Variants in ADCY2 observed in about 807,000 individuals in gnomAD.
ADCY2 encodes adenylate cyclase 2, also known as adenylate cyclase type 2.
In ADCY2, 31 loss-of-function variants were observed where a neutral mutation model predicts 125.2. The ratio of observed to expected loss-of-function variants is 0.25; its 90% CI spans 0.19 to 0.33. ADCY2 has a LOEUF of 0.33. Ranked by LOEUF, ADCY2 falls within the 10% of genes least tolerant of loss-of-function variation. The pLI is 1.00. For missense variants in ADCY2, 904 were observed against 1,418.2 expected, an observed-to-expected ratio of 0.64 and a Z score of 5.82; for synonymous variants, 512 against 548.4, an observed-to-expected ratio of 0.93 and a Z score of 0.93.
intron 3 of ADCY2, among the ~76,000 whole-genome samples, chr5:7,590,231 G>A (rs1467569898): frequency 6.6e-6 from 1 of 151,814 alleles, no homozygotes; most frequent in African/African-American, 2.4e-5. Flanking sequence ...GCTAAATTTG[G>A]GACTCTTGCA....
intron 5 of ADCY2, chr5:7,691,821 C>A: frequency 6.3e-6 from 1 of 157,648 alleles, no homozygotes; most frequent in South Asian, 1.8e-4. Context: ...ACTCACAGTT[C>A]TGCAGGCCTT....
At position 7,675,992 on chromosome 5, in the gene ADCY2, G is replaced by A. The variant is rs142691762; in HGVS notation, c.721-14699G>A. On this transcript the variant is annotated intron_variant, in intron 4 of 24. Coordinates refer to ENST00000338316, the MANE Select transcript of ADCY2 (RefSeq NM_020546.3). The stretch of plus-strand genomic sequence containing the variant: ...TTGTGAATTCAAGTATTTATTATAT[G>A]ATGTTTTTGAAATAATCACTTTGAA... Among the ~76,000 whole-genome samples the A allele has an allele frequency of 3.2e-3, 480 of 152,314 alleles. 2 individuals are homozygous for A. The highest frequency in any genetic ancestry group is 0.011 in the African/African-American group (445 of 41,568).
chr5:7,519,438 C>G (rs973131019), intron 2 of ADCY2, among the ~76,000 whole-genome samples: 12 of 152,172 alleles, frequency 7.9e-5, no homozygotes, highest in African/African-American at 2.9e-4. Flanking sequence ...TCCTTAGCTT[C>G]CCTTCTGCTT....
intron 4 of ADCY2, among the ~76,000 whole-genome samples, chr5:7,650,217 G>GACACACACACACACACAC (rs3073883): frequency 4.7e-5 from 7 of 147,880 alleles, no homozygotes; most frequent in African/African-American, 1.8e-4. Flanking sequence ...TGCAGGCACA[G>GACACACACACACACACAC]ACACACACAC....
intron 4 of ADCY2, among the ~76,000 whole-genome samples, chr5:7,651,214 A>G (rs1179942575): frequency 1.3e-5 from 2 of 152,210 alleles, no homozygotes; most frequent in African/African-American, 4.8e-5. Flanking sequence ...TTGATGGCCA[A>G]TTCTTCTAGT....
intron 1 of ADCY2, among the ~76,000 whole-genome samples, chr5:7,413,265 C>T (rs547872838): frequency 1.3e-5 from 2 of 152,212 alleles, no homozygotes; most frequent in African/African-American, 4.8e-5. Flanking sequence ...TTTGTAAGTC[C>T]CATATATGGT....
intron 2 of ADCY2, among the ~76,000 whole-genome samples, chr5:7,519,052 G>T (rs964505637): frequency 6.6e-6 from 1 of 152,138 alleles, no homozygotes; most frequent in African/African-American, 2.4e-5. Context: ...GTGCCAAATC[G>T]AAGAGTGCCT....
At chr5:7,814,549 C>T (rs551808478) in intron 22 of ADCY2, among the ~76,000 whole-genome samples, 48 of 152,328 alleles carry the variant, frequency 3.2e-4, no homozygotes, top group South Asian at 2.1e-3. Context: ...CCCTGCGTTA[C>T]TGCAATCCCC....
chr5:7,645,398 G>T (rs1738860637), intron 4 of ADCY2, among the ~76,000 whole-genome samples: 1 of 152,128 alleles, frequency 6.6e-6, no homozygotes, highest in African/African-American at 2.4e-5. Flanking sequence ...GGAAAAGAAA[G>T]CTGGCCCAAT....
chr5:7,754,004 G>T (rs773239168), intron 15 of ADCY2, among the ~76,000 whole-genome samples: 1 of 152,146 alleles, frequency 6.6e-6, no homozygotes, highest in Non-Finnish European at 1.5e-5. Context: ...GAACTTTGAG[G>T]TATGCATGGA....
At chr5:7,717,045 A>G in intron 11 of ADCY2, 112 bp from the exon 12 acceptor site, 1 of 660,360 alleles carries the variant, frequency 1.5e-6, no homozygotes, top group Non-Finnish European at 2.7e-6. Context: ...CATGCAACAA[A>G]ATGTCATCTG....
chr5:7,615,409 T>C (rs898494364), intron 3 of ADCY2, among the ~76,000 whole-genome samples: 1 of 152,202 alleles, frequency 6.6e-6, no homozygotes, highest in Non-Finnish European at 1.5e-5. Flanking sequence ...AGCCATCTTT[T>C]TCAAGTGAGA....
chr5:7,430,420 C>T (rs943314099), intron 2 of ADCY2, among the ~76,000 whole-genome samples: 2 of 151,478 alleles, frequency 1.3e-5, no homozygotes, highest in African/African-American at 4.8e-5. Flanking sequence ...CAGTATCTTT[C>T]AGGAACATGG....
chr5:7,542,325 G>C (rs1735022139), intron 3 of ADCY2, among the ~76,000 whole-genome samples: 1 of 151,450 alleles, frequency 6.6e-6, no homozygotes, highest in East Asian at 1.9e-4. Flanking sequence ...CCATAACTGG[G>C]TTATACTTTA....
intron 4 of ADCY2, among the ~76,000 whole-genome samples, chr5:7,636,452 G>C (rs577714158): frequency 4.6e-5 from 7 of 152,368 alleles, no homozygotes; most frequent in African/African-American, 1.7e-4. Flanking sequence ...GTCTATGCAG[G>C]GTGTGGGGAT....
chr5:7,673,286 A>ATATATATATATATATATATATAT (rs58505229), intron 4 of ADCY2, among the ~76,000 whole-genome samples: 12 of 53,830 alleles, frequency 2.2e-4, no homozygotes, highest in Admixed American at 9.5e-4. Flanking sequence ...ATATATATAT[A>ATATATATATATATATATATATAT]AAATTAGCCA....
At chr5:7,515,183 G>A (rs531667754) in intron 2 of ADCY2, among the ~76,000 whole-genome samples, 55 of 152,316 alleles carry the variant, frequency 3.6e-4, no homozygotes, top group African/African-American at 1.3e-3. Flanking sequence ...AGCACAAGGA[G>A]CTCTTACTGC....
intron 4 of ADCY2, among the ~76,000 whole-genome samples, chr5:7,666,340 C>T (rs1472191116): frequency 1.3e-5 from 2 of 151,962 alleles, no homozygotes; most frequent in Non-Finnish European, 2.9e-5. Flanking sequence ...GCGATCTCGG[C>T]TCACTGCAAG....
intron 2 of ADCY2, among the ~76,000 whole-genome samples, chr5:7,495,618 G>A (rs13181531): frequency 0.3 from 45,930 of 152,002 alleles, 7,058 homozygotes; most frequent in Non-Finnish European, 0.33. Flanking sequence ...TATTTCATCT[G>A]TTGGTAATAA....
Sources: gnomAD v4.1 joint callset for allele counts (sites outside exome capture counted in the v4.1 genomes callset) on GRCh38, gnomAD v4.1.1 for gene constraint, MANE v1.5 for transcripts, NCBI Gene and HGNC (gene_info 2026-07-23, HGNC 2026-07-21) for gene names.